GADL1: variants seen among roughly 807,000 people sequenced by gnomAD.
GADL1 encodes acidic amino acid decarboxylase GADL1.
Under a neutral mutation model 69.5 loss-of-function variants are expected in GADL1, and 71 were observed. The observed-to-expected ratio is 1.02, with a 90% CI of 0.84 to 1.25. GADL1 has a LOEUF of 1.25. Ranked by LOEUF, GADL1 falls within the 50% of genes most tolerant of loss-of-function variation. The pLI is 0.00. For missense variants in GADL1, 737 were observed against 631.8 expected (o/e 1.17, Z -1.79); for synonymous variants, 254 against 214.4 (o/e 1.18, Z -1.62).
At chr3:30,855,224 A>G (rs951321372) in intron 3 of GADL1, among the ~76,000 whole-genome samples, 3 of 152,138 alleles carry the variant, frequency 2.0e-5, no homozygotes, top group East Asian at 1.9e-4. Flanking sequence ...AGCCCTTTCT[A>G]CTGGTCAGTG....
At chr3:30,811,804 T>G (rs1305289071) in intron 11 of GADL1, among the ~76,000 whole-genome samples, 1 of 152,212 alleles carries the variant, frequency 6.6e-6, no homozygotes, top group Non-Finnish European at 1.5e-5. Context: ...CATATGGTTT[T>G]TTTTCCCCCC....
chr3:30,864,335 T>G (rs1698364438), intron 1 of GADL1, among the ~76,000 whole-genome samples: 1 of 151,854 alleles, frequency 6.6e-6, no homozygotes, highest in Admixed American at 6.6e-5. Flanking sequence ...GCTCATTATG[T>G]TTCTCTTTCT....
intron 1 of GADL1, among the ~76,000 whole-genome samples, chr3:30,867,004 G>T (rs1014462210): frequency 1.8e-4 from 28 of 151,982 alleles, no homozygotes; most frequent in African/African-American, 6.0e-4. Context: ...GAGAAGAGCT[G>T]ACTTCTAGTC....
In GADL1 at chr3:30,826,467, A is replaced by C. The variant is rs533777849; in HGVS notation, c.1050+7386T>G. On this transcript the variant is annotated intron_variant, in intron 11 of 14. Coordinates refer to ENST00000282538, the MANE Select transcript of GADL1 (RefSeq NM_207359.3). ...TCTACACCCTCAGGGTTCTGCACAA[A>C]TAGGCAGAAAATATAAAATCCAATA... 1.2e-4 allele frequency among the ~76,000 whole-genome samples: 19 copies of C among 152,010 alleles called. No individual in the cohort carries two copies. The South Asian group carries it at 3.9e-3, about 32-fold the overall frequency.
intron 14 of GADL1, among the ~76,000 whole-genome samples, chr3:30,755,222 C>A (rs758805787): frequency 6.6e-6 from 1 of 152,054 alleles, no homozygotes; most frequent in African/African-American, 2.4e-5. Context: ...GTCTTGCATG[C>A]AATAGGAGAT....
intron 11 of GADL1, among the ~76,000 whole-genome samples, chr3:30,808,677 C>CT (rs1238398971): frequency 6.6e-6 from 1 of 152,066 alleles, no homozygotes; most frequent in Non-Finnish European, 1.5e-5. Flanking sequence ...AATCTTTTGC[C>CT]TTTTTTGTCT....
At chr3:30,810,887 C>G (rs1393013978) in intron 11 of GADL1, among the ~76,000 whole-genome samples, 2 of 152,108 alleles carry the variant, frequency 1.3e-5, no homozygotes, top group East Asian at 3.9e-4. Flanking sequence ...CCTCCTGCTA[C>G]AAGGGTGGGG....
chr3:30,758,922 A>G (rs930023802), intron 14 of GADL1, among the ~76,000 whole-genome samples: 11 of 152,192 alleles, frequency 7.2e-5, no homozygotes, highest in Non-Finnish European at 1.0e-4. Context: ...ATCTCCTTCT[A>G]AAGTCCCTTC....
Position 30,746,109 on chromosome 3 carries a change from C to A in GADL1, c.1393-17694G>T, listed in dbSNP as rs147035654. Among the ~76,000 whole-genome samples the A allele has an allele frequency of 3.7e-3, 556 of 152,166 alleles. 2 individuals are homozygous for A. The highest frequency in any genetic ancestry group is 0.012 in the African/African-American group (505 of 41,510). On this transcript the variant is annotated intron_variant, in intron 14 of 14. Transcript: ENST00000282538. ...GTTCAAGCAATTCTCCTGTCTCAGC[C>A]TCCCGAGTAGCTGGGATTGCAGGTG...
At chr3:30,776,252 C>T (rs887038542) in intron 14 of GADL1, among the ~76,000 whole-genome samples, 1 of 152,136 alleles carries the variant, frequency 6.6e-6, no homozygotes, top group Non-Finnish European at 1.5e-5. Context: ...TTTTCGTAAA[C>T]AATTTCTAGC....
intron 6 of GADL1, among the ~76,000 whole-genome samples, chr3:30,847,931 T>C (rs1187489502): frequency 6.6e-6 from 1 of 152,172 alleles, no homozygotes; most frequent in African/African-American, 2.4e-5. Flanking sequence ...TCCCTTTCCA[T>C]GGTAATTATT....
chr3:30,843,680 G>A (rs1160548841), intron 8 of GADL1, among the ~76,000 whole-genome samples: 1 of 152,228 alleles, frequency 6.6e-6, no homozygotes, highest in Non-Finnish European at 1.5e-5. Context: ...AGCTAAGGAA[G>A]AAAGGATGTT....
intron 14 of GADL1, among the ~76,000 whole-genome samples, chr3:30,750,455 G>A (rs1695790881): frequency 6.6e-6 from 1 of 152,118 alleles, no homozygotes; most frequent in Admixed American, 6.6e-5. Flanking sequence ...GATACTGTCG[G>A]CCTCCCTCTG....
intron 1 of GADL1, among the ~76,000 whole-genome samples, chr3:30,889,223 G>A (rs1389901): frequency 0.046 from 6,985 of 151,784 alleles, 569 homozygotes; most frequent in African/African-American, 0.16. Flanking sequence ...GCAAGACAGC[G>A]TGTGCAGTGG....
At chr3:30,875,497 C>A (rs1698565672) in intron 1 of GADL1, among the ~76,000 whole-genome samples, 1 of 151,774 alleles carries the variant, frequency 6.6e-6, no homozygotes, top group Non-Finnish European at 1.5e-5. Flanking sequence ...TGTTCTTGGT[C>A]CAGAGACCCC....
chr3:30,729,597 C>A (rs545097192), intron 14 of GADL1, among the ~76,000 whole-genome samples: 1 of 152,254 alleles, frequency 6.6e-6, no homozygotes, highest in Admixed American at 6.5e-5. Context: ...TAATCCCACA[C>A]CAGCCCAGTT....
intron 13 of GADL1, 75 bp downstream of exon 13, chr3:30,786,280 A>G (rs913930148): frequency 3.2e-5 from 28 of 884,128 alleles, no homozygotes; most frequent in South Asian, 2.7e-5. Flanking sequence ...AATGAAACAT[A>G]TAACAGATAA....
chr3:30,801,995 A>G (rs936603147), intron 11 of GADL1, among the ~76,000 whole-genome samples: 1 of 152,134 alleles, frequency 6.6e-6, no homozygotes, highest in African/African-American at 2.4e-5. Flanking sequence ...TCTCTATTTT[A>G]TTATGATACT....
At chr3:30,792,555 T>G (rs751965529) in intron 12 of GADL1, among the ~76,000 whole-genome samples, 28 of 152,250 alleles carry the variant, frequency 1.8e-4, no homozygotes, top group Middle Eastern at 6.8e-3. Flanking sequence ...CTAGCCTAGG[T>G]GACAGAGCAA....
Sources: gnomAD v4.1 joint callset for allele counts (sites outside exome capture counted in the v4.1 genomes callset) on GRCh38, gnomAD v4.1.1 for gene constraint, MANE v1.5 for transcripts, NCBI Gene and HGNC (gene_info 2026-07-23, HGNC 2026-07-21) for gene names.